The following PLXNC1 variants were observed in gnomAD, a reference collection of about 807,000 sequenced individuals.
The protein encoded by PLXNC1 is plexin C1.
Under a neutral mutation model 178.2 loss-of-function variants are expected in PLXNC1, and 75 were observed. That is an observed-to-expected ratio of 0.42 (90% CI 0.35 to 0.51). The LOEUF (loss-of-function observed/expected upper bound fraction) is 0.51. Among genes scored for constraint, PLXNC1 ranks in the 20% least tolerant of loss-of-function variants. The pLI, the probability that PLXNC1 is intolerant of heterozygous loss-of-function variation, is 0.02. For synonymous variants in PLXNC1, 790 were observed against 779.9 expected (o/e 1.01, Z -0.22); for missense variants, 1,503 against 1,984.4 (o/e 0.76, Z 4.61).
intron 20 of PLXNC1, chr12:94,262,475 G>A (rs1470636778): frequency 2.0e-6 from 2 of 985,172 alleles, no homozygotes; most frequent in Non-Finnish European, 1.2e-6. Flanking sequence ...TCTGGGCTGC[G>A]AGCCCAAACA....
chr12:94,224,942 G>C (rs1963898003), intron 7 of PLXNC1, among the ~76,000 whole-genome samples: 1 of 152,154 alleles, frequency 6.6e-6, no homozygotes, highest in African/African-American at 2.4e-5. Context: ...TCTTCTGATT[G>C]GAATGGCTTC....
intron 27 of PLXNC1, among the ~76,000 whole-genome samples, chr12:94,300,331 G>A (rs1968340794): frequency 6.6e-6 from 1 of 152,136 alleles, no homozygotes; most frequent in Admixed American, 6.5e-5. Context: ...AGAGGAGAGG[G>A]CATAAACCAT....
intron 21 of PLXNC1, among the ~76,000 whole-genome samples, chr12:94,269,965 C>A (rs535568397): frequency 6.6e-6 from 1 of 152,200 alleles, no homozygotes; most frequent in Non-Finnish European, 1.5e-5. Context: ...TCTTCATACA[C>A]TTTCTTCTCA....
chr12:94,169,120 A>G (rs777249400), intron 1 of PLXNC1, 33 bp from the exon 2 acceptor site: 4 of 1,580,044 alleles, frequency 2.5e-6, no homozygotes, highest in South Asian at 2.3e-5. Flanking sequence ...AAAAATTATT[A>G]TTATTTTTTT....
Position 94,177,565 on chromosome 12 carries a change from G to A in PLXNC1, c.1204-3881G>A, listed in dbSNP as rs111530049. On this transcript the variant is annotated intron_variant, in intron 2 of 30. Transcript: ENST00000258526. ...AGAGAGAGAAAGAAAAAGAAAGAGA[G>A]AGAGGTAAGGAAGGAAAGGAAAGGA... is the stretch of plus-strand genomic sequence containing the variant. Among the ~76,000 whole-genome samples, 503 of 149,694 alleles carry A rather than the reference G, an allele frequency of 3.4e-3. 5 individuals are homozygous for A. Among genetic ancestry groups the A allele is most frequent in the African/African-American group, 0.012 (481 of 39,928 alleles).
chr12:94,271,772 GC>G (rs1965585783), intron 21 of PLXNC1, among the ~76,000 whole-genome samples: 2 of 152,308 alleles, frequency 1.3e-5, no homozygotes, highest in Non-Finnish European at 2.9e-5. Flanking sequence ...TCTGAGGTGT[GC>G]TTTTCTCTTG....
At chr12:94,224,170 C>A in intron 6 of PLXNC1, 58 bp from the exon 7 acceptor site, 1 of 979,748 alleles carries the variant, frequency 1.0e-6, no homozygotes, top group Non-Finnish European at 1.7e-6. Flanking sequence ...GCATTTACAG[C>A]TATGCTTGAC....
rs75670044 is a variant in PLXNC1 at position 94,224,114 on chromosome 12, G to A, written c.1703-114G>A. ...TGAAATGTTAGCAAACAGCTGGCAC[G>A]CTCCTGCCCACTATGCAGAGGAAGC... On this transcript the variant is annotated intron_variant, in intron 6 of 30. Transcript: ENST00000258526. 6.2e-3 allele frequency: 4,463 copies of A among 722,818 alleles called. 156 individuals are homozygous for A. In the African/African-American group the frequency reaches 0.068, roughly 11 times the overall value. The allele number at this position is 722,818 out of a possible 1,614,324, so 44.8% of individuals were successfully genotyped here.
intron 24 of PLXNC1, among the ~76,000 whole-genome samples, chr12:94,295,741 A>G (rs1011255696): frequency 1.3e-5 from 2 of 152,098 alleles, no homozygotes; most frequent in Admixed American, 6.5e-5. Context: ...GTGGGTCACT[A>G]TAAGTTCATG....
intron 12 of PLXNC1, among the ~76,000 whole-genome samples, chr12:94,246,337 G>A (rs1964528981): frequency 6.6e-6 from 1 of 152,212 alleles, no homozygotes; most frequent in Non-Finnish European, 1.5e-5. Flanking sequence ...TTTGGGCTGT[G>A]GTTAGCAGAG....
rs185920161 is a variant in PLXNC1 at position 94,194,246 on chromosome 12, C to T, written c.1439+7773C>T. Among the ~76,000 whole-genome samples, 191 of 152,238 alleles carry T rather than the reference C, an allele frequency of 1.3e-3. 2 individuals are homozygous for T. Among genetic ancestry groups the T allele is most frequent in the South Asian group, 1.2e-3 (6 of 4,820 alleles). ...TGCTAAACCATTCATGAAGGACCCA[C>T]CCCCATGATCCAATCACCTTTCACC... On this transcript the variant is annotated intron_variant, in intron 4 of 30. Coordinates refer to ENST00000258526, the MANE Select transcript of PLXNC1 (RefSeq NM_005761.3).
intron 4 of PLXNC1, among the ~76,000 whole-genome samples, chr12:94,206,178 A>G (rs1309035832): frequency 1.3e-5 from 2 of 152,180 alleles, no homozygotes; most frequent in East Asian, 3.8e-4. Context: ...AAGACTTTCT[A>G]AGTTTTCAAA....
At chr12:94,209,538 GT>G in intron 4 of PLXNC1, 51 bp from the exon 5 acceptor site, 10 of 1,088,942 alleles carry the variant, frequency 9.2e-6, no homozygotes, top group Non-Finnish European at 1.4e-5. Context: ...TGGGGTCGCT[GT>G]TTTAACTAAC....
chr12:94,205,564 A>G (rs2135996089), intron 4 of PLXNC1, among the ~76,000 whole-genome samples: 1 of 152,334 alleles, frequency 6.6e-6, no homozygotes, highest in Non-Finnish European at 1.5e-5. Context: ...TTTGCAAGAA[A>G]ACCTTTTTGG....
intron 9 of PLXNC1, among the ~76,000 whole-genome samples, chr12:94,233,389 C>G (rs1015787035): frequency 6.6e-6 from 1 of 152,178 alleles, no homozygotes; most frequent in African/African-American, 2.4e-5. Flanking sequence ...CTCCCTGGCC[C>G]TGGAGTTTTG....
intron 28 of PLXNC1, among the ~76,000 whole-genome samples, chr12:94,301,939 G>GCTCCCTC (rs1968505717): frequency 6.6e-6 from 1 of 151,872 alleles, no homozygotes; most frequent in African/African-American, 2.4e-5. Flanking sequence ...AATGTCTGTC[G>GCTCCCTC]CTCCCTCCTC....
chr12:94,248,410 C>T lies in PLXNC1; in HGVS notation c.2776C>T (p.Arg926Trp), dbSNP rs775083313. The T allele has an allele frequency of 4.4e-6, 7 of 1,596,108 alleles. No individual in the cohort carries two copies. The highest frequency in any genetic ancestry group is 1.8e-5 in the Admixed American group (1 of 56,766). The change falls in exon 14 of 31, where the codon CGG (arginine) becomes TGG (tryptophan). Residue 926 changes from arginine (R) to tryptophan (W), a missense_variant and splice_region_variant. Coordinates refer to ENST00000258526, the MANE Select transcript of PLXNC1 (RefSeq NM_005761.3). Reference protein sequence around the residue: ...STIANSSKKVRVKLGNLELYV... With the variant: ...STIANSSKKVWVKLGNLELYV... ...CATTGCCAACTCTTCTAAGAAAGTTCGGGTAAGTGACCTGGCAGTCCCACC... is the reference window on the plus strand; with the variant it reads ...CATTGCCAACTCTTCTAAGAAAGTTTGGGTAAGTGACCTGGCAGTCCCACC...
At position 94,305,670 on chromosome 12, in the gene PLXNC1, A is replaced by AG. The variant is rs1383241253; in HGVS notation, c.*388dup. 6.3e-6 allele frequency: 1 copy of AG among 158,248 alleles called. No individual in the cohort carries two copies. The highest frequency in any genetic ancestry group is 1.4e-5 in the Non-Finnish European group (1 of 72,322). 9.8% of individuals were successfully genotyped at this position (158,248 alleles called of 1,614,324 possible). A position where few individuals can be genotyped will look rare whatever the true frequency, so the allele number is the denominator to read the frequency against. ...GCTACACTGCACCTCTGCATTGTAA[A>AG]GGGATACTGCCAGTGCTCAAAACAA... On this transcript the variant is annotated 3_prime_UTR_variant, in exon 31 of 31. Coordinates refer to ENST00000258526, the MANE Select transcript of PLXNC1 (RefSeq NM_005761.3).
intron 1 of PLXNC1, among the ~76,000 whole-genome samples, chr12:94,160,715 T>C (rs1961353046): frequency 6.6e-6 from 1 of 152,258 alleles, no homozygotes; most frequent in African/African-American, 2.4e-5. Flanking sequence ...GCTCTTGTGC[T>C]GTAGACCTCT....
Sources: gnomAD v4.1 joint callset for allele counts (sites outside exome capture counted in the v4.1 genomes callset) on GRCh38, gnomAD v4.1.1 for gene constraint, MANE v1.5 for transcripts, NCBI Gene and HGNC (gene_info 2026-07-23, HGNC 2026-07-21) for gene names.